LRRFIP2: variants seen among roughly 807,000 people sequenced by gnomAD.
LRRFIP2 encodes the protein leucine-rich repeat flightless-interacting protein 2.
Under a neutral mutation model 125.9 loss-of-function variants are expected in LRRFIP2, and 109 were observed. That is an observed-to-expected ratio of 0.87 (90% CI 0.74 to 1.01). The LOEUF is 1.01. Ranked by LOEUF, LRRFIP2 falls within the 50% of genes least tolerant of loss-of-function variation. The pLI is 0.00. For missense variants in LRRFIP2, 850 were observed against 862.3 expected (o/e 0.99, Z 0.18); for synonymous variants, 291 against 293.1 (o/e 0.99, Z 0.07).
intron 21 of LRRFIP2, chr3:37,067,024 G>A (rs1338650436): frequency 6.6e-6 from 1 of 152,278 alleles, no homozygotes; most frequent in Non-Finnish European, 1.5e-5. Flanking sequence ...AAGCTATGAA[G>A]AGTTACAGAA....
intron 19 of LRRFIP2, among the ~76,000 whole-genome samples, chr3:37,082,427 A>G (rs1283012077): frequency 6.6e-6 from 1 of 152,120 alleles, no homozygotes; most frequent in Non-Finnish European, 1.5e-5. Flanking sequence ...GTTTTCATAT[A>G]CTCCCTGTCC....
In LRRFIP2 at chr3:37,149,107, C is replaced by A. The variant is rs1365074607; in HGVS notation, c.-55-69G>T. The A allele has an allele frequency of 3.1e-6, 4 of 1,301,930 alleles. No homozygotes were observed. In the South Asian group the frequency reaches 4.9e-5, roughly 16 times the overall value. The allele number at this position is 1,301,930 out of a possible 1,614,324, so 80.6% of individuals were successfully genotyped here. The stretch of plus-strand genomic sequence containing the variant: ...CAATTTTCATGCTCATTTATATATT[C>A]ACTTTTAACAGAGAAATTAGTCACC... On this transcript the variant is annotated intron_variant, in intron 1 of 27. Coordinates refer to ENST00000336686, the MANE Select transcript of LRRFIP2 (RefSeq NM_006309.4).
intron 2 of LRRFIP2, among the ~76,000 whole-genome samples, chr3:37,146,692 C>T (rs1028760868): frequency 3.9e-5 from 6 of 152,150 alleles, no homozygotes; most frequent in Admixed American, 1.3e-4. Context: ...ATATGTACCA[C>T]ATTTTCTTTA....
At chr3:37,086,332 A>C (rs2093046529) in intron 18 of LRRFIP2, among the ~76,000 whole-genome samples, 2 of 152,258 alleles carry the variant, frequency 1.3e-5, no homozygotes, top group Non-Finnish European at 2.9e-5. Context: ...AAAATGTTAA[A>C]TATAGTGTTA....
intron 1 of LRRFIP2, among the ~76,000 whole-genome samples, chr3:37,160,300 C>T (rs2096301945): frequency 6.6e-6 from 1 of 152,076 alleles, no homozygotes; most frequent in Non-Finnish European, 1.5e-5. Context: ...CGAGGGAGGT[C>T]AAAATTGACC....
At chr3:37,122,092 T>C (rs2095077425) in intron 4 of LRRFIP2, among the ~76,000 whole-genome samples, 1 of 102,990 alleles carries the variant, frequency 9.7e-6, no homozygotes, top group Non-Finnish European at 1.8e-5. Flanking sequence ...CAACAAGCCC[T>C]ATGTGTGATG....
chr3:37,065,550 A>C, intron 23 of LRRFIP2: 1 of 612,904 alleles, frequency 1.6e-6, no homozygotes, highest in Non-Finnish European at 3.0e-6. Context: ...GTTAAGTAAA[A>C]ACCGATGTGT....
upstream of LRRFIP2, chr3:37,175,203 T>C (rs1479382097): frequency 6.6e-6 from 1 of 152,210 alleles, no homozygotes; most frequent in African/African-American, 2.4e-5. Context: ...ACATCCACAT[T>C]CTCTTCCCAT....
chr3:37,085,640 G>A (rs1346738600), intron 18 of LRRFIP2, among the ~76,000 whole-genome samples: 1 of 150,166 alleles, frequency 6.7e-6, no homozygotes, highest in Non-Finnish European at 1.5e-5. Flanking sequence ...GGAGTGCAAT[G>A]GCGCGATCTT....
chr3:37,142,445 C>T (rs941916974), intron 2 of LRRFIP2, among the ~76,000 whole-genome samples: 1 of 152,056 alleles, frequency 6.6e-6, no homozygotes, highest in African/African-American at 2.4e-5. Context: ...CCATGCTCGG[C>T]CAACCCAACG....
chr3:37,064,992 T>C (rs2089809367), intron 23 of LRRFIP2: 1 of 152,840 alleles, frequency 6.5e-6, no homozygotes, highest in Admixed American at 6.5e-5. Context: ...GGAATGCACA[T>C]TAGAGAATGT....
intron 24 of LRRFIP2, among the ~76,000 whole-genome samples, chr3:37,059,905 TC>T (rs1413446528): frequency 1.3e-5 from 2 of 152,094 alleles, no homozygotes; most frequent in Non-Finnish European, 2.9e-5. Context: ...AGTTTGCCAC[TC>T]CCCAATGGGA....
At chr3:37,085,686 A>T (rs1446881808) in intron 18 of LRRFIP2, among the ~76,000 whole-genome samples, 3 of 150,706 alleles carry the variant, frequency 2.0e-5, no homozygotes, top group African/African-American at 7.3e-5. Context: ...GGTTCACGCG[A>T]TTCTCCTGCC....
At chr3:37,108,350 G>A (rs1341816475) in intron 12 of LRRFIP2, among the ~76,000 whole-genome samples, 1 of 152,170 alleles carries the variant, frequency 6.6e-6, no homozygotes, top group Non-Finnish European at 1.5e-5. Flanking sequence ...GTGCTGCTCA[G>A]AACTTCTTCA....
Position 37,100,297 on chromosome 3 carries a change from C to A in LRRFIP2, c.873+2627G>T, listed in dbSNP as rs2093949746. Among the ~76,000 whole-genome samples, 4 of 148,288 alleles carry A rather than the reference C, an allele frequency of 2.7e-5. No homozygotes were observed. In the South Asian group the frequency reaches 8.3e-4, roughly 31 times the overall value. The stretch of plus-strand genomic sequence containing the variant: ...CTATGATGGCTCCACAGCACTCCAG[C>A]CTGCGAGACAGAGCGAGACCCTGTC... On this transcript the variant is annotated intron_variant, in intron 15 of 27. Transcript: ENST00000336686.
At chr3:37,091,674 A>G (rs1193582941) in intron 17 of LRRFIP2, 136 bp from the exon 18 acceptor site, 1 of 625,140 alleles carries the variant, frequency 1.6e-6, no homozygotes, top group Non-Finnish European at 2.7e-6. Context: ...CAAAAACATA[A>G]CTCCCACTCC....
At chr3:37,084,857 T>TAA (rs150780284) in intron 18 of LRRFIP2, among the ~76,000 whole-genome samples, 6 of 151,632 alleles carry the variant, frequency 4.0e-5, no homozygotes, top group African/African-American at 4.9e-5. Flanking sequence ...TTTTTAAAGC[T>TAA]AAAAAAAATG....
chr3:37,117,494 GA>G (rs1346421248), intron 6 of LRRFIP2, among the ~76,000 whole-genome samples: 2 of 151,800 alleles, frequency 1.3e-5, no homozygotes, highest in African/African-American at 4.8e-5. Context: ...TTGTTGTAAA[GA>G]AAAGAAAGAT....
At chr3:37,105,028 G>C (rs2094247963) in intron 14 of LRRFIP2, among the ~76,000 whole-genome samples, 3 of 151,986 alleles carry the variant, frequency 2.0e-5, no homozygotes, top group African/African-American at 7.2e-5. Flanking sequence ...TTAACAGGTG[G>C]ATAAACACTG....
Sources: allele counts gnomAD v4.1 joint callset (sites outside exome capture counted in the v4.1 genomes callset), GRCh38; gene constraint gnomAD v4.1.1; transcripts MANE v1.5; gene names NCBI Gene and HGNC (gene_info 2026-07-23, HGNC 2026-07-21).